Variants in ZFP64 observed in about 807,000 individuals in gnomAD.
The protein encoded by ZFP64 is ZFP64 zinc finger protein.
A neutral mutation model predicts 51.6 loss-of-function variants in ZFP64; 14 were observed. The ratio of observed to expected loss-of-function variants is 0.27; its 90% CI spans 0.18 to 0.42. The LOEUF (loss-of-function observed/expected upper bound fraction) is 0.42. ZFP64 is among the 10% of genes least tolerant of loss of function. The pLI is 1.00. For synonymous variants in ZFP64, 375 were observed against 361.4 expected (o/e 1.04, Z -0.43); for missense variants, 754 against 906.8 (o/e 0.83, Z 2.16).
intron 5 of ZFP64, among the ~76,000 whole-genome samples, chr20:52,122,589 T>C (rs1979248104): frequency 1.3e-5 from 2 of 152,152 alleles, no homozygotes; most frequent in South Asian, 2.1e-4. Context: ...GGGCAAAGTA[T>C]ATTAACAACC....
intron 5 of ZFP64, among the ~76,000 whole-genome samples, chr20:52,100,752 A>G (rs572883067): frequency 6.6e-6 from 1 of 152,336 alleles, no homozygotes; most frequent in Admixed American, 6.5e-5. Flanking sequence ...GTGCTGTGCA[A>G]CTATTGGCAA....
At chr20:52,090,181 T>C (rs560923568) in intron 7 of ZFP64, among the ~76,000 whole-genome samples, 1 of 152,038 alleles carries the variant, frequency 6.6e-6, no homozygotes, top group Non-Finnish European at 1.5e-5. Flanking sequence ...TTCAGAACCC[T>C]AAGAAGGGTG....
At chr20:52,109,374 G>C (rs1978427218) in intron 5 of ZFP64, among the ~76,000 whole-genome samples, 2 of 152,052 alleles carry the variant, frequency 1.3e-5, no homozygotes. Flanking sequence ...ATATTAGCGA[G>C]GATGGTCTTG....
intron 1 of ZFP64, among the ~76,000 whole-genome samples, chr20:52,190,420 T>G (rs1038423559): frequency 1.4e-4 from 21 of 148,182 alleles, no homozygotes; most frequent in African/African-American, 5.5e-4. Context: ...GTGGGTTTTC[T>G]CATCTGAAAA....
chr20:52,107,673 G>T (rs1978341329), intron 5 of ZFP64, among the ~76,000 whole-genome samples: 1 of 152,156 alleles, frequency 6.6e-6, no homozygotes, highest in East Asian at 1.9e-4. Context: ...ATTTTGCTAA[G>T]ATCATCCAAA....
intron 1 of ZFP64, 71 bp from the exon 2 acceptor site, chr20:52,187,142 T>A: frequency 6.6e-7 from 1 of 1,510,688 alleles, no homozygotes; most frequent in Non-Finnish European, 8.9e-7. Context: ...ACCAGATTCA[T>A]GGTAGGAAGA....
At chr20:52,142,324 C>T (rs543503704) in intron 5 of ZFP64, among the ~76,000 whole-genome samples, 1 of 150,816 alleles carries the variant, frequency 6.6e-6, no homozygotes, top group African/African-American at 2.4e-5. Flanking sequence ...GCCGAGATTA[C>T]GCCACTGCAC....
At chr20:52,131,991 G>A (rs1050477971) in intron 5 of ZFP64, among the ~76,000 whole-genome samples, 2 of 151,792 alleles carry the variant, frequency 1.3e-5, no homozygotes, top group East Asian at 3.9e-4. Flanking sequence ...GTCTTAAAAT[G>A]TTGAAAAAAA....
chr20:52,133,681 A>C (rs1979832371), intron 5 of ZFP64, among the ~76,000 whole-genome samples: 1 of 152,184 alleles, frequency 6.6e-6, no homozygotes. Context: ...TGATGGGCCC[A>C]CTTCAGGGAT....
At chr20:52,102,042 G>A (rs951828838) in intron 5 of ZFP64, among the ~76,000 whole-genome samples, 15 of 147,520 alleles carry the variant, frequency 1.0e-4, no homozygotes, top group Non-Finnish European at 4.4e-5. Flanking sequence ...AACCTGTGGG[G>A]CAGAGGTTGC....
chr20:52,191,724 T>G lies in ZFP64; in HGVS notation c.-88A>C. ...GGTGCAAGGACTTTTCCTTTTATTTTTCCACACCCCCCACCCTGCCTTCTC... is the reference window on the plus strand; with the variant it reads ...GGTGCAAGGACTTTTCCTTTTATTTGTCCACACCCCCCACCCTGCCTTCTC... On this transcript the variant is annotated 5_prime_UTR_variant, in exon 1 of 6. Transcript: ENST00000216923. The surrounding 1 kb of genome is among the most constrained non-coding windows in gnomAD (Gnocchi z 4.3). 2 of 1,435,738 alleles carry G rather than the reference T, an allele frequency of 1.4e-6. No homozygotes were observed. The highest frequency in any genetic ancestry group is 1.8e-6 in the Non-Finnish European group (2 of 1,081,498). The allele number at this position is 1,435,738 out of a possible 1,614,324, so 88.9% of individuals were successfully genotyped here.
chr20:52,091,882 T>G (rs780088973), intron 7 of ZFP64, among the ~76,000 whole-genome samples: 1 of 130,654 alleles, frequency 7.7e-6, no homozygotes, highest in South Asian at 3.1e-4. Context: ...CCCAGCTACT[T>G]GGGAAGCTGA....
Position 52,144,321 on chromosome 20 carries a change from TA to T in ZFP64, c.763+15801del, listed in dbSNP as rs1415053038. Among the ~76,000 whole-genome samples, 2 of 141,532 alleles carry T rather than the reference TA, an allele frequency of 1.4e-5. 1 individual carries two copies. Among genetic ancestry groups the T allele is most frequent in the Non-Finnish European group, 3.1e-5 (2 of 63,910 alleles). 92.9% of individuals were successfully genotyped at this position (141,532 alleles called of 152,430 possible). A position where few individuals can be genotyped will look rare whatever the true frequency, so the allele number is the denominator to read the frequency against. On this transcript the variant is annotated intron_variant, in intron 5 of 8. Transcript: ENST00000361387. ...GAGGCCAGGCATGGTGGCTCACACC[TA>T]CAATCCCAGCACTTTGGGAGGCCAA...
At chr20:52,112,063 C>G (rs543728606) in intron 5 of ZFP64, among the ~76,000 whole-genome samples, 127 of 125,598 alleles carry the variant, frequency 1.0e-3, no homozygotes, top group Middle Eastern at 7.7e-3. Flanking sequence ...GCCTGGGCAA[C>G]AGAGCGAGAC....
intron 2 of ZFP64, chr20:52,175,892 T>C (rs1286906687): frequency 5.1e-6 from 5 of 975,378 alleles, no homozygotes; most frequent in Non-Finnish European, 6.1e-6. Context: ...ATTCATTTTC[T>C]GAGAGAAAAG....
rs1281436111 is a variant in ZFP64, at chr20:52,162,264, C to T, written c.512-1890G>A. ...AGTGTGCTGAGATTGTGCCACTGCG[C>T]TACAGCCTGGGTGACAGAGTGAGAC... On this transcript the variant is annotated intron_variant, in intron 4 of 5. Coordinates refer to ENST00000216923, the MANE Select transcript of ZFP64 (RefSeq NM_018197.3). 2.0e-5 allele frequency among the ~76,000 whole-genome samples: 3 copies of T among 151,734 alleles called. No homozygotes were observed. In the East Asian group the frequency reaches 5.8e-4, roughly 29 times the overall value.
At chr20:52,127,891 T>A (rs1474710878) in intron 5 of ZFP64, among the ~76,000 whole-genome samples, 1 of 152,230 alleles carries the variant, frequency 6.6e-6, no homozygotes, top group Non-Finnish European at 1.5e-5. Context: ...AGTCTACTAC[T>A]GTGTAAGACA....
chr20:52,148,706 G>GAAAAAAA (rs11297522), downstream of ZFP64, among the ~76,000 whole-genome samples: 1 of 121,970 alleles, frequency 8.2e-6, no homozygotes, highest in African/African-American at 3.4e-5. Context: ...CTCAAAACAA[G>GAAAAAAA]AAAAAAAAAA....
At chr20:52,107,971 G>A (rs1229224622) in intron 5 of ZFP64, among the ~76,000 whole-genome samples, 1 of 152,234 alleles carries the variant, frequency 6.6e-6, no homozygotes, top group Non-Finnish European at 1.5e-5. Context: ...CATGCCTGTA[G>A]TTCTGGCACT....
Sources: gnomAD v4.1 joint callset for allele counts (sites outside exome capture counted in the v4.1 genomes callset) on GRCh38, gnomAD v4.1.1 for gene constraint, Gnocchi (gnomAD v3.1) non-coding constraint, MANE v1.5 for transcripts, NCBI Gene and HGNC (gene_info 2026-07-23, HGNC 2026-07-21) for gene names.